The following DOCK5 variants were observed in gnomAD, a reference collection of about 807,000 sequenced individuals.
DOCK5 encodes the protein dedicator of cytokinesis 5.
Under a neutral mutation model 251.8 loss-of-function variants are expected in DOCK5, and 142 were observed. The ratio of observed to expected loss-of-function variants is 0.56; its 90% CI spans 0.49 to 0.65. The LOEUF (loss-of-function observed/expected upper bound fraction) is 0.65. Ranked by LOEUF, DOCK5 falls within the 30% of genes least tolerant of loss-of-function variation. The probability of loss-of-function intolerance (pLI) is 0.00; values close to 1 mark genes in which losing one functional copy is unlikely to be tolerated. For synonymous variants in DOCK5, 842 were observed against 835.5 expected (o/e 1.01, Z -0.13); for missense variants, 2,111 against 2,312.3 (o/e 0.91, Z 1.79).
At chr8:25,330,442 T>C (rs1805657454) in intron 18 of DOCK5, among the ~76,000 whole-genome samples, 1 of 152,184 alleles carries the variant, frequency 6.6e-6, no homozygotes, top group African/African-American at 2.4e-5. Flanking sequence ...ATACATAGTA[T>C]TTCTGGGTAT....
intron 48 of DOCK5, 131 bp downstream of exon 48, chr8:25,403,855 T>A (rs910169599): frequency 1.0e-6 from 1 of 958,128 alleles, no homozygotes. Context: ...ATGAGGAATG[T>A]CATGATTAGC....
At position 25,331,230 on chromosome 8, in the gene DOCK5, GACACACAC is replaced by G. The variant is rs60869427; in HGVS notation, c.1904-987_1904-980del. ...GTCCAGATAACTGCAGTTTCTCTGTGACACACACACACACACACACACACACACACACA... is the reference window on the plus strand; with the variant it reads ...GTCCAGATAACTGCAGTTTCTCTGTGACACACACACACACACACACACACA... On this transcript the variant is annotated intron_variant, in intron 18 of 51. Transcript: ENST00000276440. Among the ~76,000 whole-genome samples the G allele has an allele frequency of 5.1e-3, 713 of 140,354 alleles. 1 individual carries two copies. The highest frequency in any genetic ancestry group is 8.8e-3 in the African/African-American group (336 of 38,158). The allele number at this position is 140,354 out of a possible 152,430, so 92.1% of individuals were successfully genotyped here. A position where few individuals can be genotyped will look rare whatever the true frequency, so the allele number is the denominator to read the frequency against.
chr8:25,348,635 C>T (rs1332980955), intron 26 of DOCK5, among the ~76,000 whole-genome samples: 4 of 152,184 alleles, frequency 2.6e-5, no homozygotes, highest in East Asian at 1.9e-4. Context: ...ATCAGGAGTT[C>T]GAGACCAGCC....
At chr8:25,243,838 A>G in intron 2 of DOCK5, 81 bp downstream of exon 2, 3 of 1,311,778 alleles carry the variant, frequency 2.3e-6, no homozygotes, top group Non-Finnish European at 3.2e-6. Flanking sequence ...CTTAGAGTAA[A>G]CATCAACATG....
chr8:25,368,316 CT>C (rs1045007297), intron 32 of DOCK5, 66 bp downstream of exon 32: 45 of 1,431,440 alleles, frequency 3.1e-5, no homozygotes, highest in South Asian at 7.6e-5. Flanking sequence ...ACGATAAAGT[CT>C]TTTTTTTATT....
At chr8:25,351,664 C>A in intron 26 of DOCK5, 67 bp from the exon 27 acceptor site, 1 of 1,266,382 alleles carries the variant, frequency 7.9e-7, no homozygotes, top group Non-Finnish European at 1.1e-6. Flanking sequence ...ACTCATCTAT[C>A]TGAGGTTCCT....
intron 25 of DOCK5, among the ~76,000 whole-genome samples, chr8:25,343,215 G>T (rs1271503664): frequency 1.3e-5 from 2 of 151,466 alleles, no homozygotes; most frequent in Non-Finnish European, 2.9e-5. Context: ...CACAATGTTG[G>T]CCAGGCTGGC....
intron 2 of DOCK5, among the ~76,000 whole-genome samples, chr8:25,260,301 T>C (rs892731398): frequency 5.3e-5 from 8 of 152,026 alleles, no homozygotes; most frequent in African/African-American, 1.9e-4. Flanking sequence ...CCAGCAACAC[T>C]TAAAGGAAAA....
At chr8:25,360,906 G>T (rs906665627) in intron 28 of DOCK5, among the ~76,000 whole-genome samples, 2 of 152,136 alleles carry the variant, frequency 1.3e-5, no homozygotes, top group Non-Finnish European at 2.9e-5. Flanking sequence ...TGCCAGCATG[G>T]TGTTGAGCTC....
At position 25,184,713 on chromosome 8, in the gene DOCK5, G is replaced by C. The variant is rs1586208822; in HGVS notation, c.-196G>C. The stretch of plus-strand genomic sequence containing the variant: ...CACTGCTGCGCTGCAGCCCGGCCCA[G>C]CAGGTGACCGCGGGCGGCGCGGGCA... On this transcript the variant is annotated 5_prime_UTR_variant, in exon 1 of 52. Coordinates refer to ENST00000276440, the MANE Select transcript of DOCK5 (RefSeq NM_024940.8). The C allele has an allele frequency of 2.6e-5, 6 of 232,468 alleles. No individual in the cohort carries two copies. The East Asian group carries it at 6.6e-4, about 26-fold the overall frequency. The allele number at this position is 232,468 out of a possible 1,614,324, so 14.4% of individuals were successfully genotyped here.
At chr8:25,326,856 G>A (rs1023366532) in intron 18 of DOCK5, among the ~76,000 whole-genome samples, 1 of 152,152 alleles carries the variant, frequency 6.6e-6, no homozygotes, top group Non-Finnish European at 1.5e-5. Flanking sequence ...GTTTAACCAC[G>A]TTTTATAATA....
chr8:25,309,886 T>C (rs751926928), intron 12 of DOCK5, among the ~76,000 whole-genome samples: 10 of 152,154 alleles, frequency 6.6e-5, no homozygotes, highest in Non-Finnish European at 1.2e-4. Context: ...AGCTATACAC[T>C]TCTTTTTTCT....
At chr8:25,227,851 C>A (rs1000022392) in intron 1 of DOCK5, among the ~76,000 whole-genome samples, 12 of 152,222 alleles carry the variant, frequency 7.9e-5, no homozygotes, top group African/African-American at 2.2e-4. Context: ...ATAGTATGGA[C>A]ATGAAGATGT....
chr8:25,308,679 G>C lies in DOCK5; in HGVS notation c.1050-104G>C. 13 of 1,265,348 alleles carry C rather than the reference G, an allele frequency of 1.0e-5. 1 individual carries two copies. The South Asian group carries it at 1.7e-4, about 16-fold the overall frequency. The allele number at this position is 1,265,348 out of a possible 1,614,324, so 78.4% of individuals were successfully genotyped here. A position where few individuals can be genotyped will look rare whatever the true frequency, so the allele number is the denominator to read the frequency against. On this transcript the variant is annotated intron_variant, in intron 11 of 51. Coordinates refer to ENST00000276440, the MANE Select transcript of DOCK5 (RefSeq NM_024940.8). Reference sequence around the variant, plus strand: ...TAGAAAGATAGGGGTACTTAGTGTTGATATCTCCAAATTATTCCTATATGA... The same window carrying C: ...TAGAAAGATAGGGGTACTTAGTGTTCATATCTCCAAATTATTCCTATATGA...
At chr8:25,217,247 T>TGTATATATGTATACTATATATGC (rs1802272265) in intron 1 of DOCK5, among the ~76,000 whole-genome samples, 1 of 150,924 alleles carries the variant, frequency 6.6e-6, no homozygotes, top group South Asian at 2.1e-4. Flanking sequence ...GTATACAATA[T>TGTATATATGTATACTATATATGC]GTATATATGT....
At chr8:25,229,644 AAG>A (rs1387456795) in intron 1 of DOCK5, among the ~76,000 whole-genome samples, 1 of 152,186 alleles carries the variant, frequency 6.6e-6, no homozygotes, top group Non-Finnish European at 1.5e-5. Flanking sequence ...GTATCTCAAA[AAG>A]AAAATTTTAT....
chr8:25,391,841 C>A, intron 42 of DOCK5, 55 bp from the exon 43 acceptor site: 2 of 1,534,530 alleles, frequency 1.3e-6, no homozygotes, highest in South Asian at 1.2e-5. Flanking sequence ...GAAGTCAAGT[C>A]AAGCAGTGGT....
At chr8:25,224,770 A>T (rs1802486535) in intron 1 of DOCK5, among the ~76,000 whole-genome samples, 1 of 152,202 alleles carries the variant, frequency 6.6e-6, no homozygotes, top group East Asian at 1.9e-4. Flanking sequence ...CAAATCAAAT[A>T]ATACAGAAAT....
chr8:25,345,663 A>G, intron 26 of DOCK5, 52 bp downstream of exon 26: 1 of 1,601,902 alleles, frequency 6.2e-7, no homozygotes, highest in Non-Finnish European at 8.5e-7. Flanking sequence ...TCCCCTTTGC[A>G]CCAGACAGGA....
Sources: allele counts gnomAD v4.1 joint callset (sites outside exome capture counted in the v4.1 genomes callset), GRCh38; gene constraint gnomAD v4.1.1; transcripts MANE v1.5; gene names NCBI Gene and HGNC (gene_info 2026-07-23, HGNC 2026-07-21).